The following ENPP1 variants were observed in gnomAD, a reference collection of about 807,000 sequenced individuals.
ENPP1 encodes the protein ectonucleotide pyrophosphatase/phosphodiesterase family member 1.
ENPP1 carries 73 observed loss-of-function variants against 122.8 expected under a neutral mutation model. The ratio of observed to expected loss-of-function variants is 0.59; its 90% CI spans 0.49 to 0.72. The LOEUF (loss-of-function observed/expected upper bound fraction) is 0.72. ENPP1 is among the 30% of genes least tolerant of loss of function. The pLI, the probability that ENPP1 is intolerant of heterozygous loss-of-function variation, is 0.00. For missense variants in ENPP1, 978 were observed against 1,128.1 expected, an observed-to-expected ratio of 0.87 and a Z score of 1.91; for synonymous variants, 367 against 391.6, an observed-to-expected ratio of 0.94 and a Z score of 0.74.
chr6:131,871,073 T>TG (rs1185091608), intron 13 of ENPP1, among the ~76,000 whole-genome samples: 10 of 142,624 alleles, frequency 7.0e-5, no homozygotes, highest in African/African-American at 2.3e-4. Context: ...AGACTCCATC[T>TG]AAAAAAAAAA....
chr6:131,855,791 A>C (rs1195315836), intron 6 of ENPP1, among the ~76,000 whole-genome samples: 1 of 150,480 alleles, frequency 6.6e-6, no homozygotes, highest in Non-Finnish European at 1.5e-5. Flanking sequence ...TCAGGCCTTA[A>C]TTAAGTGATT....
At chr6:131,880,134 C>G (rs571385488) in intron 20 of ENPP1, 100 bp downstream of exon 20, 2 of 1,193,144 alleles carry the variant, frequency 1.7e-6, no homozygotes, top group Non-Finnish European at 1.2e-6. Context: ...GCTTTATACT[C>G]AGTTCCCGCA....
At chr6:131,811,396 ATATC>A (rs1451748594) in intron 1 of ENPP1, among the ~76,000 whole-genome samples, 2 of 148,812 alleles carry the variant, frequency 1.3e-5, no homozygotes, top group African/African-American at 5.0e-5. Flanking sequence ...ATCTATATCT[ATATC>A]TATATCTATA....
chr6:131,861,592 C>T lies in ENPP1; in HGVS notation c.916-3C>T. 6.3e-7 allele frequency: 1 copy of T among 1,587,874 alleles called. No individual in the cohort carries two copies. Among genetic ancestry groups the T allele is most frequent in the South Asian group, 1.1e-5 (1 of 90,514 alleles). On this transcript the variant is annotated splice_region_variant and splice_polypyrimidine_tract_variant and intron_variant, in intron 8 of 24. Coordinates refer to ENST00000647893, the MANE Select transcript of ENPP1 (RefSeq NM_006208.3). ...CTTAATTTTCCTTCATTTTCTGCTC[C>T]AGATTTGGGTCACAGCTAAGTATCA...
intron 1 of ENPP1, among the ~76,000 whole-genome samples, chr6:131,822,019 T>C (rs1781490426): frequency 6.6e-6 from 1 of 152,250 alleles, no homozygotes; most frequent in Non-Finnish European, 1.5e-5. Flanking sequence ...GAATGAAATA[T>C]TCATGTGGGA....
At chr6:131,822,482 G>A (rs1468326115) in intron 1 of ENPP1, among the ~76,000 whole-genome samples, 3 of 151,318 alleles carry the variant, frequency 2.0e-5, no homozygotes, top group Admixed American at 1.3e-4. Context: ...ACTATCTATT[G>A]CAAAAAATTC....
intron 17 of ENPP1, among the ~76,000 whole-genome samples, chr6:131,876,695 A>G (rs1186810636): frequency 2.6e-5 from 4 of 152,212 alleles, no homozygotes; most frequent in Non-Finnish European, 5.9e-5. Flanking sequence ...AATAAATAAG[A>G]AAATATGTTA....
chr6:131,824,341 T>C (rs1318578580), intron 1 of ENPP1, among the ~76,000 whole-genome samples: 3 of 151,970 alleles, frequency 2.0e-5, no homozygotes, highest in Non-Finnish European at 2.9e-5. Flanking sequence ...ACACGGCCCA[T>C]CCCAGAGCTT....
At chr6:131,851,470 TCACCCAG>T (rs1232306053) in intron 4 of ENPP1, 14 of 574,124 alleles carry the variant, frequency 2.4e-5, no homozygotes, top group African/African-American at 2.1e-4. Context: ...ATTATACCCA[TCACCCAG>T]CTTCATAATT....
At chr6:131,816,801 G>A (rs1396819280) in intron 1 of ENPP1, among the ~76,000 whole-genome samples, 1 of 152,166 alleles carries the variant, frequency 6.6e-6, no homozygotes, top group Non-Finnish European at 1.5e-5. Context: ...GCTTTAAAAA[G>A]CATTTCCCAT....
chr6:131,890,409 T>G lies in ENPP1; in HGVS notation c.2676T>G (p.Val892=), dbSNP rs1231177151. Reference sequence around the variant, plus strand: ...TACACAGAGCACGGATCACAGATGTTGAGCACATCACTGGACTCAGCTTCT... The same window carrying G: ...TACACAGAGCACGGATCACAGATGTGGAGCACATCACTGGACTCAGCTTCT... ...LMLHRARITD[V]EHITGLSFYQ... The change falls in exon 25 of 25, where the codon GTT becomes GTG. Residue 892 remains valine, a synonymous_variant. Transcript: ENST00000647893. 2 of 1,613,240 alleles carry G rather than the reference T, an allele frequency of 1.2e-6. No individual in the cohort carries two copies. The highest frequency in any genetic ancestry group is 1.7e-6 in the Non-Finnish European group (2 of 1,179,256).
chr6:131,883,815 T>A (rs200465725), intron 22 of ENPP1, 41 bp downstream of exon 22: 153 of 1,022,774 alleles, frequency 1.5e-4, no homozygotes, highest in African/African-American at 1.2e-3. Context: ...TTTAATGAAT[T>A]TGTGCACATA....
At chr6:131,833,393 T>C (rs1281743376) in intron 1 of ENPP1, among the ~76,000 whole-genome samples, 2 of 152,186 alleles carry the variant, frequency 1.3e-5, no homozygotes, top group Admixed American at 1.3e-4. Flanking sequence ...GGATTTTTTT[T>C]CTACTTGATT....
intron 22 of ENPP1, among the ~76,000 whole-genome samples, chr6:131,884,014 T>A (rs559076112): frequency 6.6e-6 from 1 of 152,338 alleles, no homozygotes; most frequent in Non-Finnish European, 1.5e-5. Context: ...ATGCGCTTCC[T>A]AAAGTTATCC....
chr6:131,869,234 A>G (rs1020429911), intron 12 of ENPP1, 124 bp from the exon 13 acceptor site: 1 of 869,074 alleles, frequency 1.2e-6, no homozygotes, highest in African/African-American at 1.7e-5. Flanking sequence ...TCAGATCTTC[A>G]ACTAATATGA....
At chr6:131,827,384 G>T in intron 1 of ENPP1, 1 of 797,234 alleles carries the variant, frequency 1.3e-6, no homozygotes. Context: ...ACACCTCAAA[G>T]GAATATTGCT....
chr6:131,826,978 C>T, intron 1 of ENPP1: 1 of 412,070 alleles, frequency 2.4e-6, no homozygotes. Flanking sequence ...CTCCAAAAAG[C>T]CAGTGCAGGA....
At chr6:131,864,006 A>G (rs1466246154) in intron 9 of ENPP1, among the ~76,000 whole-genome samples, 1 of 152,168 alleles carries the variant, frequency 6.6e-6, no homozygotes, top group African/African-American at 2.4e-5. Context: ...TTAGTAGAGT[A>G]TACAACTAAT....
In ENPP1 at chr6:131,850,014, T is replaced by G. The variant is rs1401278097; in HGVS notation, c.338T>G (p.Phe113Cys). 6.2e-7 allele frequency: 1 copy of G among 1,613,912 alleles called. No homozygotes were observed. The highest frequency in any genetic ancestry group is 8.5e-7 in the Non-Finnish European group (1 of 1,179,906). The change falls in exon 3 of 25, where the codon TTC (phenylalanine) becomes TGC (cysteine). Residue 113 changes from phenylalanine (F) to cysteine (C), a missense_variant. Coordinates refer to ENST00000647893, the MANE Select transcript of ENPP1 (RefSeq NM_006208.3). ...GTTAAAAGTTGCAAAGGTCGCTGTT[T>G]CGAGAGAACATTTGGGAACTGTCGC... is the stretch of plus-strand genomic sequence containing the variant. ...KEVKSCKGRC[F>C]ERTFGNCRCD...
Sources: gnomAD v4.1 joint callset for allele counts (sites outside exome capture counted in the v4.1 genomes callset) on GRCh38, gnomAD v4.1.1 for gene constraint, MANE v1.5 for transcripts, NCBI Gene and HGNC (gene_info 2026-07-23, HGNC 2026-07-21) for gene names.